GTF3C3: variants seen among roughly 807,000 people sequenced by gnomAD.
GTF3C3 encodes general transcription factor IIIC subunit 3, also known as general transcription factor 3C polypeptide 3.
In GTF3C3, 75 loss-of-function variants were observed where a neutral mutation model predicts 105.2. The observed-to-expected ratio is 0.71, with a 90% CI of 0.59 to 0.86. GTF3C3 has a LOEUF of 0.86. Among genes scored for constraint, GTF3C3 ranks in the 40% least tolerant of loss-of-function variants. GTF3C3 has a pLI of 0.00. For synonymous variants in GTF3C3, 335 were observed against 370.4 expected, an observed-to-expected ratio of 0.90 and a Z score of 1.10; for missense variants, 856 against 1,076.5, an observed-to-expected ratio of 0.80 and a Z score of 2.87.
chr2:196,793,017 G>A lies in GTF3C3; in HGVS notation c.350C>T (p.Thr117Ile), dbSNP rs1699578066. 6.2e-6 allele frequency: 10 copies of A among 1,613,962 alleles called. No homozygotes were observed. Among genetic ancestry groups the A allele is most frequent in the Non-Finnish European group, 8.5e-6 (10 of 1,179,914 alleles). Reference protein sequence around the residue: ...EEEEETPEQPTAGDVFVLEMV... With the variant: ...EEEEETPEQPIAGDVFVLEMV... ...CTCCAATACAAATACATCGCCCGCAGTGGGTTGCTCAGGTGTTTCTTCCTC... is the reference window on the plus strand; with the variant it reads ...CTCCAATACAAATACATCGCCCGCAATGGGTTGCTCAGGTGTTTCTTCCTC... The change falls in exon 3 of 18, where the codon ACT (threonine) becomes ATT (isoleucine). Residue 117 changes from threonine to isoleucine, a missense_variant. Physicochemically the swap from Thr to Ile is moderately conservative, Grantham distance 89. This residue lies in a region of GTF3C3 where 605 missense variants were observed against 833.6 expected (regional missense o/e 0.73). Transcript: ENST00000263956.
chr2:196,770,784 A>G (rs183561680), intron 15 of GTF3C3, among the ~76,000 whole-genome samples: 1 of 152,338 alleles, frequency 6.6e-6, no homozygotes, highest in Admixed American at 6.5e-5. Context: ...AAGATGGTAG[A>G]CTGCCATTTG....
chr2:196,779,388 A>G (rs963686456), intron 9 of GTF3C3, among the ~76,000 whole-genome samples: 2 of 152,150 alleles, frequency 1.3e-5, no homozygotes, highest in Non-Finnish European at 2.9e-5. Context: ...TCGGCCTCCC[A>G]AAGTCTATAG....
chr2:196,798,311 G>A (rs1340142799), intron 1 of GTF3C3, among the ~76,000 whole-genome samples: 1 of 151,986 alleles, frequency 6.6e-6, no homozygotes, highest in African/African-American at 2.4e-5. Flanking sequence ...GATCCCTTGA[G>A]CTCAGGAGTT....
chr2:196,799,573 T>C lies in GTF3C3; in HGVS notation c.39A>G (p.Glu13=), dbSNP rs1409625499. The change falls in exon 1 of 18, where the codon GAA becomes GAG. Residue 13 remains glutamate, a synonymous_variant. Transcript: ENST00000263956. ...CGAACTCCTCAAAGGAGATTTTCCC[T>C]TCCAAGTAGTCGATGAGTTCCGGAC... ...GFSPELIDYL[E]GKISFEEFER... is the part of the protein sequence containing the mutation. 1 of 1,614,170 alleles carries C rather than the reference T, an allele frequency of 6.2e-7. No homozygotes were observed. Among genetic ancestry groups the C allele is most frequent in the South Asian group, 1.1e-5 (1 of 91,084 alleles).
At chr2:196,795,595 T>A (rs1699628996) in intron 2 of GTF3C3, among the ~76,000 whole-genome samples, 1 of 152,218 alleles carries the variant, frequency 6.6e-6, no homozygotes, top group Non-Finnish European at 1.5e-5. Context: ...GAACGAAGCA[T>A]TTGATAAAAT....
At chr2:196,790,753 T>C (rs1699532675) in intron 4 of GTF3C3, among the ~76,000 whole-genome samples, 1 of 152,190 alleles carries the variant, frequency 6.6e-6, no homozygotes, top group African/African-American at 2.4e-5. Flanking sequence ...AAAAGGACCC[T>C]AGTCTAACCA....
In GTF3C3 at chr2:196,771,883, C is replaced by T; in HGVS notation, c.2125G>A (p.Val709Ile). 3 of 1,613,594 alleles carry T rather than the reference C, an allele frequency of 1.9e-6. 1 individual carries two copies. The South Asian group carries it at 3.3e-5, about 18-fold the overall frequency. Residue 709 changes from valine to isoleucine, a missense_variant, in exon 15 of 18, where the codon GTT (valine) becomes ATT (isoleucine). This residue lies in a region of GTF3C3 where 605 missense variants were observed against 833.6 expected (regional missense o/e 0.73). Coordinates refer to ENST00000263956, the MANE Select transcript of GTF3C3 (RefSeq NM_012086.5). ...KPQLWNIFNQ[V>I]TMHSQDVRHH... ...CGTACATCTTGGGAGTGCATGGTAA[C>T]TTGATTGAAAATGTTCCAGAGCTGG...
At chr2:196,785,657 G>C in intron 6 of GTF3C3, 69 bp from the exon 7 acceptor site, 1 of 917,918 alleles carries the variant, frequency 1.1e-6, no homozygotes, top group South Asian at 1.6e-5. Context: ...TCCTTGCTTA[G>C]GCTATCTAAC....
In GTF3C3 at chr2:196,764,120, A is replaced by G. The variant is rs1362428525; in HGVS notation, c.*443T>C. The G allele has an allele frequency of 6.6e-6, 1 of 152,390 alleles. No homozygotes were observed. Among genetic ancestry groups the G allele is most frequent in the Non-Finnish European group, 1.5e-5 (1 of 68,140 alleles). 9.4% of individuals were successfully genotyped at this position (152,390 alleles called of 1,614,324 possible). A position where few individuals can be genotyped will look rare whatever the true frequency, so the allele number is the denominator to read the frequency against. ...AAATAATTTTCTTAGGTGCTTAGTTATCATGGTCATGACATCATAAAGAGT... is the reference window on the plus strand; with the variant it reads ...AAATAATTTTCTTAGGTGCTTAGTTGTCATGGTCATGACATCATAAAGAGT... On this transcript the variant is annotated 3_prime_UTR_variant, in exon 18 of 18. Coordinates refer to ENST00000263956, the MANE Select transcript of GTF3C3 (RefSeq NM_012086.5).
Position 196,789,323 on chromosome 2 carries a change from T to C in GTF3C3, c.774A>G (p.Ser258=). 1 of 1,612,426 alleles carries C rather than the reference T, an allele frequency of 6.2e-7. No homozygotes were observed. The highest frequency in any genetic ancestry group is 1.1e-5 in the South Asian group (1 of 90,624). Residue 258 remains serine, a synonymous_variant, in exon 6 of 18, where the codon TCA becomes TCG. Coordinates refer to ENST00000263956, the MANE Select transcript of GTF3C3 (RefSeq NM_012086.5). ...PTNVRYLWER[S]SLYEQMGDHK... ...GATCACCCATCTGTTCATAAAGGCT[T>C]GATCGCTCCCACAGATAACGGACAT...
At chr2:196,766,788 C>T (rs1265021108) in intron 16 of GTF3C3, 71 bp from the exon 17 acceptor site, 17 of 1,169,376 alleles carry the variant, frequency 1.5e-5, no homozygotes, top group Non-Finnish European at 2.0e-5. Flanking sequence ...ACTGTATTAC[C>T]AGGTGCTGAA....
Position 196,764,494 on chromosome 2 carries a change from A to C in GTF3C3, c.*69T>G. On this transcript the variant is annotated 3_prime_UTR_variant, in exon 18 of 18. Coordinates refer to ENST00000263956, the MANE Select transcript of GTF3C3 (RefSeq NM_012086.5). ...TTTCTATTTTGGAGTTACAAATAAT[A>C]AGCCCTGAGACAGAAGACACTGGTC... is the stretch of plus-strand genomic sequence containing the variant. 6 of 1,364,056 alleles carry C rather than the reference A, an allele frequency of 4.4e-6. No homozygotes were observed. Among genetic ancestry groups the C allele is most frequent in the Non-Finnish European group, 4.9e-6 (5 of 1,016,876 alleles). 84.5% of individuals were successfully genotyped at this position (1,364,056 alleles called of 1,614,324 possible). A position where few individuals can be genotyped will look rare whatever the true frequency, so the allele number is the denominator to read the frequency against.
In GTF3C3 at chr2:196,765,099, A is replaced by G. The variant is rs1699038553; in HGVS notation, c.2539-414T>C. On this transcript the variant is annotated intron_variant, in intron 17 of 17. Coordinates refer to ENST00000263956, the MANE Select transcript of GTF3C3 (RefSeq NM_012086.5). ...CTTCTCTGTGTAAAAATAACATAGT[A>G]TTAAATGAACACCAATGAGCCAATG... Among the ~76,000 whole-genome samples, 4 of 152,252 alleles carry G rather than the reference A, an allele frequency of 2.6e-5. No individual in the cohort carries two copies. The South Asian group carries it at 8.3e-4, about 31-fold the overall frequency.
chr2:196,784,812 C>A (rs192013550), intron 8 of GTF3C3, 45 bp downstream of exon 8: 604 of 1,544,980 alleles, frequency 3.9e-4, no homozygotes, highest in Middle Eastern at 7.0e-4. Context: ...ACCTTATGAC[C>A]AAGAGAGGAT....
At chr2:196,797,941 A>C (rs765912535) in intron 1 of GTF3C3, 33 bp from the exon 2 acceptor site, 5 of 1,190,260 alleles carry the variant, frequency 4.2e-6, no homozygotes, top group Admixed American at 3.4e-5. Flanking sequence ...GATTCCAAAA[A>C]ATAATGCAGA....
intron 1 of GTF3C3, 90 bp from the exon 2 acceptor site, chr2:196,797,998 G>A (rs1699676035): frequency 1.3e-6 from 1 of 761,476 alleles, no homozygotes; most frequent in Non-Finnish European, 2.3e-6. Context: ...TCCTAGCTTT[G>A]CCACTCGGGC....
chr2:196,776,681 G>A lies in GTF3C3; in HGVS notation c.1391-52C>T, dbSNP rs746415084. ...AGTATGAACTACAGATTTGTAAACT[G>A]GCCACAATTACTCTTCCATTTTAAA... is the stretch of plus-strand genomic sequence containing the variant. On this transcript the variant is annotated intron_variant, in intron 10 of 17. Coordinates refer to ENST00000263956, the MANE Select transcript of GTF3C3 (RefSeq NM_012086.5). The surrounding 1 kb of genome is among the most constrained non-coding windows in gnomAD (Gnocchi z 4.5). 4 of 1,245,402 alleles carry A rather than the reference G, an allele frequency of 3.2e-6. No individual in the cohort carries two copies. Among genetic ancestry groups the A allele is most frequent in the Non-Finnish European group, 4.6e-6 (4 of 864,508 alleles). 77.1% of individuals were successfully genotyped at this position (1,245,402 alleles called of 1,614,324 possible).
At chr2:196,769,880 A>G in intron 16 of GTF3C3, 35 bp downstream of exon 16, 2 of 1,564,992 alleles carry the variant, frequency 1.3e-6, no homozygotes, top group South Asian at 1.1e-5. Context: ...TTTAAGAAAC[A>G]TAAAATCAAG....
intron 4 of GTF3C3, among the ~76,000 whole-genome samples, chr2:196,790,521 T>C (rs1699528887): frequency 1.3e-5 from 2 of 152,202 alleles, no homozygotes; most frequent in Non-Finnish European, 2.9e-5. Context: ...GACTGGCTAA[T>C]CTACATTTCT....
Sources: allele counts gnomAD v4.1 joint callset (sites outside exome capture counted in the v4.1 genomes callset), GRCh38; gene constraint gnomAD v4.1.1; regional missense constraint gnomAD v4.1.1; non-coding constraint Gnocchi (gnomAD v3.1); transcripts MANE v1.5; gene names NCBI Gene and HGNC (gene_info 2026-07-23, HGNC 2026-07-21).